The following PRKN variants were observed in gnomAD, a reference collection of about 807,000 sequenced individuals.
The protein encoded by PRKN is E3 ubiquitin-protein ligase parkin.
In PRKN, 56 loss-of-function variants were observed where a neutral mutation model predicts 59.5. The ratio of observed to expected loss-of-function variants is 0.94; its 90% CI spans 0.76 to 1.18. The LOEUF is 1.18. Ranked by LOEUF, PRKN falls within the 50% of genes most tolerant of loss-of-function variation. The pLI is 0.00. For synonymous variants in PRKN, 250 were observed against 222.1 expected (o/e 1.13, Z -1.12); for missense variants, 657 against 596.4 (o/e 1.10, Z -1.06).
chr6:162,231,182 A>G (rs948516991), intron 3 of PRKN, among the ~76,000 whole-genome samples: 1 of 152,118 alleles, frequency 6.6e-6, no homozygotes, highest in African/African-American at 2.4e-5. Context: ...TCCAAAGAAA[A>G]TATTTCAGAG....
intron 3 of PRKN, among the ~76,000 whole-genome samples, chr6:162,260,607 C>T (rs1779848362): frequency 6.6e-6 from 1 of 151,666 alleles, no homozygotes; most frequent in African/African-American, 2.4e-5. Flanking sequence ...TGGAGAAGAC[C>T]AAGGGCAATT....
chr6:161,748,758 T>A (rs1224477458), intron 7 of PRKN, among the ~76,000 whole-genome samples: 3 of 152,164 alleles, frequency 2.0e-5, no homozygotes, highest in Non-Finnish European at 4.4e-5. Flanking sequence ...CATACCCCAC[T>A]GCTTCTTTGG....
chr6:162,529,833 A>G (rs749051917), intron 1 of PRKN, among the ~76,000 whole-genome samples: 4 of 152,222 alleles, frequency 2.6e-5, no homozygotes, highest in Non-Finnish European at 4.4e-5. Context: ...AACAGTAGAT[A>G]AAGTAAAAAT....
chr6:161,854,684 C>T lies in PRKN; in HGVS notation c.735-68776G>A, dbSNP rs115777250. 2.0e-3 allele frequency among the ~76,000 whole-genome samples: 305 copies of T among 152,240 alleles called. 1 individual carries two copies. Among genetic ancestry groups the T allele is most frequent in the African/African-American group, 7.1e-3 (295 of 41,558 alleles). Reference sequence around the variant, plus strand: ...CCATTACTGACAGTCTTCTAAAAGGCAGTCACCATAGCATGATTAATTTAT... The same window carrying T: ...CCATTACTGACAGTCTTCTAAAAGGTAGTCACCATAGCATGATTAATTTAT... On this transcript the variant is annotated intron_variant, in intron 6 of 11. Transcript: ENST00000366898.
At chr6:162,709,375 CTTT>C (rs34492695) in intron 1 of PRKN, among the ~76,000 whole-genome samples, 26,001 of 147,666 alleles carry the variant, frequency 0.18, 2,889 homozygotes, top group East Asian at 0.48. Flanking sequence ...GGTCTGAACA[CTTT>C]TTTTTTTTTT....
intron 7 of PRKN, among the ~76,000 whole-genome samples, chr6:161,632,065 C>T (rs1323810122): frequency 6.6e-6 from 1 of 152,192 alleles, no homozygotes; most frequent in African/African-American, 2.4e-5. Context: ...ATAAGCCAAA[C>T]CAAGACTGTG....
intron 7 of PRKN, among the ~76,000 whole-genome samples, chr6:161,767,721 A>AT (rs1789489743): frequency 6.8e-6 from 1 of 147,556 alleles, no homozygotes; most frequent in Non-Finnish European, 1.5e-5. Context: ...TGTTACCTTA[A>AT]AGGTTACTGT....
intron 7 of PRKN, among the ~76,000 whole-genome samples, chr6:161,714,990 A>G (rs1274840081): frequency 6.6e-6 from 1 of 152,162 alleles, no homozygotes; most frequent in African/African-American, 2.4e-5. Context: ...CGGTATTCTT[A>G]CCATTATCCT....
chr6:162,227,899 A>G (rs1212200385), intron 3 of PRKN, among the ~76,000 whole-genome samples: 2 of 151,930 alleles, frequency 1.3e-5, no homozygotes, highest in Non-Finnish European at 2.9e-5. Context: ...AAGATGGACA[A>G]AGGATGTTGT....
At chr6:162,085,561 T>C (rs1357876357) in intron 4 of PRKN, among the ~76,000 whole-genome samples, 1 of 152,110 alleles carries the variant, frequency 6.6e-6, no homozygotes, top group Non-Finnish European at 1.5e-5. Context: ...AAGAAATGCA[T>C]AACATACTAA....
chr6:161,705,036 C>A (rs1435921509), intron 7 of PRKN, among the ~76,000 whole-genome samples: 2 of 152,162 alleles, frequency 1.3e-5, no homozygotes, highest in Admixed American at 1.3e-4. Flanking sequence ...TGCCAGCATG[C>A]AACACAGGAT....
At chr6:162,698,339 C>G (rs1257057536) in intron 1 of PRKN, among the ~76,000 whole-genome samples, 1 of 152,192 alleles carries the variant, frequency 6.6e-6, no homozygotes, top group East Asian at 1.9e-4. Flanking sequence ...ATGACACAGT[C>G]CTTGTTAATG....
rs548532195 is a variant in PRKN at position 162,532,753 on chromosome 6, G to A, written c.8-89280C>T. Among the ~76,000 whole-genome samples the A allele has an allele frequency of 2.8e-4, 42 of 152,238 alleles. No homozygotes were observed. The South Asian group carries it at 5.2e-3, about 19-fold the overall frequency. The stretch of plus-strand genomic sequence containing the variant: ...TGAACAAAGATTTCTTATCTGTATC[G>A]GAAGCAAAACTGAGTATGGTGTTTT... On this transcript the variant is annotated intron_variant, in intron 1 of 11. Coordinates refer to ENST00000366898, the MANE Select transcript of PRKN (RefSeq NM_004562.3).
intron 9 of PRKN, among the ~76,000 whole-genome samples, chr6:161,512,198 TAA>T (rs199553778): frequency 6.6e-6 from 1 of 152,018 alleles, no homozygotes; most frequent in Non-Finnish European, 1.5e-5. Context: ...TTTTTATTAG[TAA>T]AAAATGCTCT....
At chr6:162,466,071 T>G (rs1001122829) in intron 1 of PRKN, among the ~76,000 whole-genome samples, 3 of 152,220 alleles carry the variant, frequency 2.0e-5, no homozygotes, top group Non-Finnish European at 4.4e-5. Context: ...ATATATATTT[T>G]TATGTTTATA....
chr6:162,021,462 T>TATATATATA (rs1554261961), intron 5 of PRKN, among the ~76,000 whole-genome samples: 52 of 38,776 alleles, frequency 1.3e-3, no homozygotes, highest in African/African-American at 2.8e-3. Context: ...TATATATATA[T>TATATATATA]TTTTTTTTTT....
At chr6:162,228,667 A>G (rs948446000) in intron 3 of PRKN, among the ~76,000 whole-genome samples, 3 of 152,208 alleles carry the variant, frequency 2.0e-5, no homozygotes, top group Non-Finnish European at 4.4e-5. Context: ...TCAAACAGCT[A>G]TTCAAAGCTT....
intron 4 of PRKN, among the ~76,000 whole-genome samples, chr6:162,143,318 AT>A (rs1419330926): frequency 6.6e-6 from 1 of 152,202 alleles, no homozygotes; most frequent in African/African-American, 2.4e-5. Flanking sequence ...ACGAGTCTTT[AT>A]CAGCAATTCT....
At chr6:161,384,355 C>A (rs1236889249) in intron 10 of PRKN, among the ~76,000 whole-genome samples, 1 of 152,156 alleles carries the variant, frequency 6.6e-6, no homozygotes, top group Non-Finnish European at 1.5e-5. Context: ...CCAGCCTGGG[C>A]AACATGCTGA....
Sources: gnomAD v4.1 joint callset for allele counts (sites outside exome capture counted in the v4.1 genomes callset) on GRCh38, gnomAD v4.1.1 for gene constraint, MANE v1.5 for transcripts, NCBI Gene and HGNC (gene_info 2026-07-23, HGNC 2026-07-21) for gene names.